TAFA1: variants seen among roughly 807,000 people sequenced by gnomAD.
TAFA1 encodes TAFA chemokine like family member 1.
In TAFA1, 4 loss-of-function variants were observed where a neutral mutation model predicts 18.5. That is an observed-to-expected ratio of 0.22 (90% CI 0.11 to 0.49). TAFA1 has a LOEUF of 0.49. Ranked by LOEUF, TAFA1 falls within the 20% of genes least tolerant of loss-of-function variation. The pLI, the probability that TAFA1 is intolerant of heterozygous loss-of-function variation, is 0.98. For missense variants in TAFA1, 147 were observed against 169.0 expected (o/e 0.87, Z 0.72); for synonymous variants, 56 against 55.2 (o/e 1.01, Z -0.06).
At chr3:68,062,826 T>C (rs1175096829) in intron 2 of TAFA1, among the ~76,000 whole-genome samples, 2 of 152,152 alleles carry the variant, frequency 1.3e-5, no homozygotes, top group African/African-American at 4.8e-5. Flanking sequence ...AGGGAAGAAA[T>C]GCTCCATGGT....
chr3:68,484,126 C>A (rs2072290302), intron 3 of TAFA1, among the ~76,000 whole-genome samples: 1 of 152,216 alleles, frequency 6.6e-6, no homozygotes, highest in Non-Finnish European at 1.5e-5. Flanking sequence ...ATTGTCATTT[C>A]AACATGTAAT....
intron 2 of TAFA1, among the ~76,000 whole-genome samples, chr3:68,251,461 A>T (rs1042320280): frequency 1.3e-5 from 2 of 152,220 alleles, no homozygotes; most frequent in Admixed American, 6.5e-5. Context: ...TGCCCACTCT[A>T]GACCAGGCAA....
intron 3 of TAFA1, among the ~76,000 whole-genome samples, chr3:68,448,636 G>T (rs957370108): frequency 1.3e-5 from 2 of 151,730 alleles, no homozygotes; most frequent in Non-Finnish European, 2.9e-5. Context: ...TAAGGCCACA[G>T]ACCCTGTGGG....
intron 2 of TAFA1, among the ~76,000 whole-genome samples, chr3:68,267,009 A>C (rs566326267): frequency 6.6e-6 from 1 of 152,264 alleles, no homozygotes; most frequent in African/African-American, 2.4e-5. Flanking sequence ...GTGCCAATAA[A>C]AACAGATTTC....
At chr3:68,529,460 AAAAAAAG>A (rs1190416999) in intron 3 of TAFA1, among the ~76,000 whole-genome samples, 2 of 146,310 alleles carry the variant, frequency 1.4e-5, no homozygotes, top group African/African-American at 2.6e-5. Flanking sequence ...AAAAAAAAAA[AAAAAAAG>A]AACACAAGCT....
intron 2 of TAFA1, among the ~76,000 whole-genome samples, chr3:68,377,243 G>A (rs182521023): frequency 6.4e-4 from 98 of 152,298 alleles, no homozygotes; most frequent in Non-Finnish European, 1.2e-3. Context: ...AGTTTGGAAG[G>A]CTCAGAAGAA....
In TAFA1 at chr3:68,531,016, C is replaced by CAA. The variant is rs139878393; in HGVS notation, c.260-7739_260-7738dup. On this transcript the variant is annotated intron_variant, in intron 3 of 4. Coordinates refer to ENST00000478136, the MANE Select transcript of TAFA1 (RefSeq NM_213609.4). ...TTAGCATTATAATGATTAACAACAA[C>CAA]AACAAAACAAAACAAAACAAAACAA... Among the ~76,000 whole-genome samples the CAA allele has an allele frequency of 1.3e-3, 197 of 147,624 alleles. 1 individual carries two copies. The highest frequency in any genetic ancestry group is 4.6e-3 in the African/African-American group (184 of 39,626).
At chr3:68,170,619 C>T (rs1050000950) in intron 2 of TAFA1, among the ~76,000 whole-genome samples, 2 of 152,072 alleles carry the variant, frequency 1.3e-5, no homozygotes, top group African/African-American at 4.8e-5. Flanking sequence ...ACCGAAAATG[C>T]CCCAAGCTTT....
intron 3 of TAFA1, among the ~76,000 whole-genome samples, chr3:68,427,879 C>T (rs552789500): frequency 6.6e-6 from 1 of 151,968 alleles, no homozygotes; most frequent in Admixed American, 6.6e-5. Context: ...AGGGCAATTC[C>T]CCTGCATATG....
At chr3:68,287,921 G>GGGTGC (rs2068042448) in intron 2 of TAFA1, among the ~76,000 whole-genome samples, 1 of 95,158 alleles carries the variant, frequency 1.1e-5, no homozygotes, top group Non-Finnish European at 2.3e-5. Context: ...GGGTGGGGGG[G>GGGTGC]CTTTTTGAAA....
At chr3:68,215,506 C>A (rs892038312) in intron 2 of TAFA1, among the ~76,000 whole-genome samples, 2 of 151,952 alleles carry the variant, frequency 1.3e-5, no homozygotes, top group Non-Finnish European at 2.9e-5. Context: ...TATCAATAAA[C>A]TAGACTTCAT....
At chr3:68,267,763 T>C (rs1310303887) in intron 2 of TAFA1, among the ~76,000 whole-genome samples, 1 of 152,176 alleles carries the variant, frequency 6.6e-6, no homozygotes, top group African/African-American at 2.4e-5. Context: ...TATATGACTC[T>C]ATGCATGTTG....
At chr3:68,031,300 G>A (rs921196437) in intron 2 of TAFA1, among the ~76,000 whole-genome samples, 4 of 152,104 alleles carry the variant, frequency 2.6e-5, no homozygotes, top group African/African-American at 7.2e-5. Context: ...TCCTTATGGG[G>A]CATCTGGTGA....
chr3:68,055,424 C>G (rs1251421526), intron 2 of TAFA1, among the ~76,000 whole-genome samples: 1 of 152,140 alleles, frequency 6.6e-6, no homozygotes, highest in Admixed American at 6.5e-5. Context: ...CCCAAGGGTA[C>G]AGAACTCTCA....
intron 2 of TAFA1, among the ~76,000 whole-genome samples, chr3:68,062,903 A>C (rs145311975): frequency 3.9e-5 from 6 of 152,220 alleles, no homozygotes; most frequent in Non-Finnish European, 8.8e-5. Context: ...GCAATTAGCT[A>C]AAAGCACTAG....
chr3:68,009,500 A>G (rs1220026345), intron 2 of TAFA1, among the ~76,000 whole-genome samples: 1 of 152,230 alleles, frequency 6.6e-6, no homozygotes, highest in Non-Finnish European at 1.5e-5. Context: ...AAACTGCAGC[A>G]CTGAAACCAA....
chr3:68,161,344 A>T (rs1436267708), intron 2 of TAFA1, among the ~76,000 whole-genome samples: 1 of 152,078 alleles, frequency 6.6e-6, no homozygotes, highest in Non-Finnish European at 1.5e-5. Context: ...GTTCTATTTT[A>T]AGAGGGTACA....
chr3:68,187,639 T>C (rs1276777934), intron 2 of TAFA1, among the ~76,000 whole-genome samples: 1 of 152,016 alleles, frequency 6.6e-6, no homozygotes, highest in Non-Finnish European at 1.5e-5. Context: ...ATATGTGTTT[T>C]GGGAGCATGT....
At chr3:68,364,537 C>T (rs1395896296) in intron 2 of TAFA1, among the ~76,000 whole-genome samples, 1 of 152,104 alleles carries the variant, frequency 6.6e-6, no homozygotes, top group Non-Finnish European at 1.5e-5. Flanking sequence ...GGATGCATTT[C>T]AAGGGGAACA....
Sources: allele counts gnomAD v4.1 joint callset (sites outside exome capture counted in the v4.1 genomes callset), GRCh38; gene constraint gnomAD v4.1.1; transcripts MANE v1.5; gene names NCBI Gene and HGNC (gene_info 2026-07-23, HGNC 2026-07-21).